PER2: variants seen among roughly 807,000 people sequenced by gnomAD.
PER2 encodes period circadian protein homolog 2.
Under a neutral mutation model 121.0 loss-of-function variants are expected in PER2, and 66 were observed. The observed-to-expected ratio is 0.55, with a 90% CI of 0.45 to 0.67. PER2 has a LOEUF of 0.67. Among genes scored for constraint, PER2 ranks in the 30% least tolerant of loss-of-function variants. The pLI is 0.00. For missense variants in PER2, 1,521 were observed against 1,635.0 expected (o/e 0.93, Z 1.20); for synonymous variants, 684 against 659.9 (o/e 1.04, Z -0.56).
Position 238,257,092 on chromosome 2 carries a change from TGA to T in PER2, c.1901-8_1901-7del. The T allele has an allele frequency of 6.2e-7, 1 of 1,610,526 alleles. No individual in the cohort carries two copies. Among genetic ancestry groups the T allele is most frequent in the Non-Finnish European group, 8.5e-7 (1 of 1,179,630 alleles). ...CCTGGAGGGCGGCTCTGCCTCTTCA[TGA>T]GAGGAAGGGGGAACAAACATTAGTG... On this transcript the variant is annotated splice_polypyrimidine_tract_variant and splice_region_variant and intron_variant, in intron 16 of 22. Transcript: ENST00000254657.
At chr2:238,283,646 G>C (rs781619450) in intron 1 of PER2, among the ~76,000 whole-genome samples, 2 of 152,244 alleles carry the variant, frequency 1.3e-5, no homozygotes, top group African/African-American at 2.4e-5. Flanking sequence ...AACTCCGATA[G>C]GGAACTGTGG....
At chr2:238,254,094 G>A (rs1359292521) in intron 18 of PER2, 5 of 274,016 alleles carry the variant, frequency 1.8e-5, no homozygotes, top group South Asian at 3.8e-5. Context: ...AAATCTGAAC[G>A]GGAGAGCCAC....
chr2:238,291,724 C>T (rs1394447111), upstream of PER2, among the ~76,000 whole-genome samples: 1 of 152,230 alleles, frequency 6.6e-6, no homozygotes, highest in East Asian at 1.9e-4. Flanking sequence ...CTGACCCCAG[C>T]TTGGCATGGT....
intron 14 of PER2, among the ~76,000 whole-genome samples, chr2:238,259,752 G>A (rs1695870347): frequency 6.6e-6 from 1 of 152,244 alleles, no homozygotes; most frequent in African/African-American, 2.4e-5. Flanking sequence ...GGCATCAGGT[G>A]CCCAGTGTGG....
upstream of PER2, among the ~76,000 whole-genome samples, chr2:238,293,044 C>CTTT (rs34255262): frequency 6.1e-5 from 9 of 146,634 alleles, no homozygotes; most frequent in African/African-American, 2.2e-4. Flanking sequence ...CCTTGTTTTG[C>CTTT]TTTTTTTTTT....
rs552771525 is a variant in PER2 at position 238,268,586 on chromosome 2, G to A, written c.824+337C>T. Among the ~76,000 whole-genome samples the A allele has an allele frequency of 3.3e-5, 5 of 152,322 alleles. No individual in the cohort carries two copies. Among genetic ancestry groups the A allele is most frequent in the East Asian group, 1.9e-4 (1 of 5,178 alleles). ...CCTGGTTTGGACCAAGACCCTTGTC[G>A]GGAAAGCTACGGGTCTCTCCCCAGA... On this transcript the variant is annotated intron_variant, in intron 7 of 22. Coordinates refer to ENST00000254657, the MANE Select transcript of PER2 (RefSeq NM_022817.3). This position sits in a 1 kb window ranked among gnomAD's most constrained non-coding sequence, Gnocchi z 4.0.
upstream of PER2, among the ~76,000 whole-genome samples, chr2:238,293,927 G>A (rs1697003478): frequency 6.6e-6 from 1 of 152,068 alleles, no homozygotes; most frequent in African/African-American, 2.4e-5. Context: ...AGGTTTTCTG[G>A]TCTCAGGCAG....
chr2:238,297,693 C>T, the PER2 span, among the ~76,000 whole-genome samples: 3 of 152,190 alleles, frequency 2.0e-5, no homozygotes, highest in Non-Finnish European at 2.9e-5. Context: ...TTGCTAGACA[C>T]GGTAGCCTGG....
intron 1 of PER2, among the ~76,000 whole-genome samples, chr2:238,284,055 C>G (rs1559337910): frequency 6.6e-6 from 1 of 152,184 alleles, no homozygotes. Flanking sequence ...AACAGTAGTT[C>G]CTGCCTCCTA....
upstream of PER2, among the ~76,000 whole-genome samples, chr2:238,294,926 CA>C (rs1697018389): frequency 6.6e-6 from 1 of 152,240 alleles, no homozygotes; most frequent in Non-Finnish European, 1.5e-5. Flanking sequence ...TCTGAGTCCA[CA>C]AGGACTCACA....
Position 238,253,322 on chromosome 2 carries a change from C to G in PER2, c.2701G>C (p.Ala901Pro). ...VQPPPFPAPL[A>P]PVMAFMLPSY... The stretch of plus-strand genomic sequence containing the variant: ...GGTAGCATGAATGCCATGACAGGCG[C>G]CAAAGGGGCAGGGAAAGGTGGGGGC... The change falls in exon 19 of 23, where the codon GCG (alanine) becomes CCG (proline). Residue 901 changes from alanine (A) to proline (P), a missense_variant. Coordinates refer to ENST00000254657, the MANE Select transcript of PER2 (RefSeq NM_022817.3). This position sits in a 1 kb window ranked among gnomAD's most constrained non-coding sequence, Gnocchi z 5.6. 1 of 1,613,604 alleles carries G rather than the reference C, an allele frequency of 6.2e-7. No homozygotes were observed. The highest frequency in any genetic ancestry group is 8.5e-7 in the Non-Finnish European group (1 of 1,179,788).
chr2:238,281,339 T>A (rs1456189574), intron 1 of PER2, among the ~76,000 whole-genome samples: 1 of 152,168 alleles, frequency 6.6e-6, no homozygotes, highest in Admixed American at 6.5e-5. Context: ...GAAAAGCTTA[T>A]GGTCAAAGGG....
At chr2:238,264,527 A>AT (rs1328470344) in intron 9 of PER2, among the ~76,000 whole-genome samples, 1 of 152,208 alleles carries the variant, frequency 6.6e-6, no homozygotes, top group African/African-American at 2.4e-5. Flanking sequence ...GACCTGGTTC[A>AT]TTTTAGGAAC....
Position 238,253,017 on chromosome 2 carries a change from AC to A in PER2, c.3005del (p.Gly1002ValfsTer17), listed in dbSNP as rs761778228. 6 of 1,613,624 alleles carry A rather than the reference AC, an allele frequency of 3.7e-6. No homozygotes were observed. The highest frequency in any genetic ancestry group is 5.1e-6 in the Non-Finnish European group (6 of 1,179,964). ...NLLQLEEAPEGGTGAMGTTGA... is the reference protein window; with the variant it reads ...NLLQLEEAPEXGTGAMGTTGA... ...CTGTGGTCCCCATGGCTCCAGTGCC[AC>A]CCTCAGGGGCTTCCTCCAGCTGCAG... On this transcript the variant is annotated frameshift_variant, in exon 19 of 23. Coordinates refer to ENST00000254657, the MANE Select transcript of PER2 (RefSeq NM_022817.3). LOFTEE classifies it high-confidence loss of function. This position sits in a 1 kb window ranked among gnomAD's most constrained non-coding sequence, Gnocchi z 5.6.
In PER2 at chr2:238,250,537, C is replaced by T. The variant is rs3739062; in HGVS notation, c.3467+14G>A. 9,331 of 1,602,306 alleles carry T rather than the reference C, an allele frequency of 5.8e-3. 234 individuals are homozygous for T. Among genetic ancestry groups the T allele is most frequent in the East Asian group, 0.048 (2,129 of 44,700 alleles). On this transcript the variant is annotated intron_variant, in intron 21 of 22. Transcript: ENST00000254657. ...ATCCCTCCCCAGGTGCCTAGGAAAA[C>T]GCTGGGTGGTTACCGGGAAGGCAGC...
chr2:238,261,580 T>C lies in PER2; in HGVS notation c.1416+149A>G, dbSNP rs535817584. On this transcript the variant is annotated intron_variant, in intron 12 of 22. Transcript: ENST00000254657. The stretch of plus-strand genomic sequence containing the variant: ...GACTGTCTCGGACTAGCACAGTCTA[T>C]GCCCAAACTGTCCCCTGGGGGATGT... 5.2e-4 allele frequency: 361 copies of C among 690,708 alleles called. 1 individual carries two copies. The South Asian group carries it at 5.3e-3, about 10-fold the overall frequency. 42.8% of individuals were successfully genotyped at this position (690,708 alleles called of 1,614,324 possible).
intron 8 of PER2, among the ~76,000 whole-genome samples, chr2:238,266,241 G>A (rs1696108397): frequency 6.6e-6 from 1 of 151,734 alleles, no homozygotes. Flanking sequence ...ACAGTGATCT[G>A]ACACATTATT....
chr2:238,277,108 T>C, intron 3 of PER2, 23 bp downstream of exon 3: 1 of 1,533,880 alleles, frequency 6.5e-7, no homozygotes, highest in South Asian at 1.1e-5. Context: ...AACCTCTATG[T>C]ATGAAGTTCT....
intron 20 of PER2, among the ~76,000 whole-genome samples, chr2:238,251,143 C>T (rs568337141): frequency 1.5e-3 from 235 of 152,304 alleles, no homozygotes; most frequent in African/African-American, 5.1e-3. Context: ...CGAAGGGAGG[C>T]GAGGTGAAAG....
Sources: allele counts gnomAD v4.1 joint callset (sites outside exome capture counted in the v4.1 genomes callset), GRCh38; gene constraint gnomAD v4.1.1; non-coding constraint Gnocchi (gnomAD v3.1); transcripts MANE v1.5; gene names NCBI Gene and HGNC (gene_info 2026-07-23, HGNC 2026-07-21).